ABCA12: variants seen among roughly 807,000 people sequenced by gnomAD.
ABCA12 encodes the protein ATP binding cassette subfamily A member 12.
A neutral mutation model predicts 293.5 loss-of-function variants in ABCA12; 156 were observed. The observed-to-expected ratio is 0.53, with a 90% CI of 0.47 to 0.61. ABCA12 has a LOEUF of 0.61. Ranked by LOEUF, ABCA12 falls within the 20% of genes least tolerant of loss-of-function variation. The pLI, the probability that ABCA12 is intolerant of heterozygous loss-of-function variation, is 0.00. For synonymous variants in ABCA12, 1,063 were observed against 1,108.0 expected (o/e 0.96, Z 0.81); for missense variants, 2,797 against 3,090.2 (o/e 0.91, Z 2.25).
intron 1 of ABCA12, among the ~76,000 whole-genome samples, chr2:215,135,822 T>A (rs1703213811): frequency 6.6e-6 from 1 of 152,212 alleles, no homozygotes; most frequent in Non-Finnish European, 1.5e-5. Context: ...TTTTTAAGTG[T>A]AATGCCATCG....
intron 9 of ABCA12, among the ~76,000 whole-genome samples, chr2:215,028,649 A>G (rs1700804683): frequency 6.6e-6 from 1 of 152,234 alleles, no homozygotes. Flanking sequence ...AAATAAAATA[A>G]ACTATCTATT....
At chr2:214,951,144 CAT>C in intron 44 of ABCA12, 61 bp from the exon 45 acceptor site, 1 of 1,487,084 alleles carries the variant, frequency 6.7e-7, no homozygotes, top group Non-Finnish European at 9.3e-7. Context: ...TCAATTTTGA[CAT>C]GTTTTGATGG....
At chr2:215,091,727 C>T (rs916841240) in intron 2 of ABCA12, among the ~76,000 whole-genome samples, 3 of 152,202 alleles carry the variant, frequency 2.0e-5, no homozygotes, top group South Asian at 4.1e-4. Context: ...CATGTAGCAA[C>T]GTATTTCTGA....
chr2:215,032,090 T>C (rs902701855), intron 8 of ABCA12, 194 bp from the exon 9 acceptor site: 22 of 1,446,442 alleles, frequency 1.5e-5, no homozygotes, highest in Admixed American at 5.0e-5. Context: ...AGGAAATAGA[T>C]GCCTACTGAT....
chr2:215,116,869 G>A (rs1702697471), intron 1 of ABCA12, among the ~76,000 whole-genome samples: 1 of 152,092 alleles, frequency 6.6e-6, no homozygotes, highest in Non-Finnish European at 1.5e-5. Context: ...AAAGCGTCAG[G>A]GTCATGAAAG....
rs758588601 is a variant in ABCA12 at position 215,054,677 on chromosome 2, A to G, written c.318-13T>C. 4 of 1,595,222 alleles carry G rather than the reference A, an allele frequency of 2.5e-6. No individual in the cohort carries two copies. The South Asian group carries it at 4.4e-5, about 18-fold the overall frequency. Reference sequence around the variant, plus strand: ...TCTCAGAATCTCACTAGAGAAGAAAAAGCAAGAACTCTGTAACTTCTCCCA... The same window carrying G: ...TCTCAGAATCTCACTAGAGAAGAAAGAGCAAGAACTCTGTAACTTCTCCCA... On this transcript the variant is annotated splice_polypyrimidine_tract_variant and intron_variant, in intron 3 of 52. Transcript: ENST00000272895.
intron 31 of ABCA12, among the ~76,000 whole-genome samples, chr2:214,980,234 T>C (rs1452700516): frequency 2.0e-5 from 3 of 152,136 alleles, no homozygotes; most frequent in African/African-American, 7.2e-5. Context: ...ACCTGGGAAT[T>C]TGATAAAAAT....
At chr2:214,936,863 A>AAC (rs1553518657) in intron 51 of ABCA12, among the ~76,000 whole-genome samples, 2 of 152,072 alleles carry the variant, frequency 1.3e-5, no homozygotes, top group Non-Finnish European at 2.9e-5. Flanking sequence ...TCAGTTCCCT[A>AAC]ATATATATAA....
chr2:215,011,711 A>G, intron 16 of ABCA12, 62 bp from the exon 17 acceptor site: 1 of 1,490,408 alleles, frequency 6.7e-7, no homozygotes, highest in Non-Finnish European at 9.4e-7. Flanking sequence ...ACTGAAAACA[A>G]CAGAGAAAGA....
intron 1 of ABCA12, among the ~76,000 whole-genome samples, chr2:215,119,557 A>G (rs1383553222): frequency 6.6e-6 from 1 of 152,006 alleles, no homozygotes; most frequent in East Asian, 1.9e-4. Flanking sequence ...CTTATTGAAT[A>G]GGGAGTCCTA....
intron 28 of ABCA12, among the ~76,000 whole-genome samples, 182 bp from the exon 29 acceptor site, chr2:214,984,047 C>T (rs1292006300): frequency 6.8e-6 from 1 of 147,134 alleles, no homozygotes; most frequent in Non-Finnish European, 1.5e-5. Context: ...TTTAATAATT[C>T]AGAGTATTAC....
intron 28 of ABCA12, among the ~76,000 whole-genome samples, chr2:214,985,555 A>T (rs1274193738): frequency 6.6e-6 from 1 of 152,178 alleles, no homozygotes; most frequent in East Asian, 1.9e-4. Context: ...AACTTAAAAT[A>T]AAAGTTAAAA....
intron 44 of ABCA12, among the ~76,000 whole-genome samples, chr2:214,952,686 C>CT (rs1698817341): frequency 1.3e-5 from 2 of 152,206 alleles, no homozygotes; most frequent in East Asian, 3.9e-4. Flanking sequence ...TCATGTTTCT[C>CT]TCTGTTCAAA....
Position 214,979,101 on chromosome 2 carries a change from C to T in ABCA12, c.4741-61G>A. On this transcript the variant is annotated intron_variant, in intron 31 of 52. Coordinates refer to ENST00000272895, the MANE Select transcript of ABCA12 (RefSeq NM_173076.3). ...CTCTTTACACTATAGTGCTCCAGGC[C>T]CTAATCAGAGGGTGAGGTGATGAGC... 3 of 1,469,210 alleles carry T rather than the reference C, an allele frequency of 2.0e-6. No individual in the cohort carries two copies. In the East Asian group the frequency reaches 6.8e-5, roughly 33 times the overall value. The allele number at this position is 1,469,210 out of a possible 1,614,324, so 91.0% of individuals were successfully genotyped here.
intron 1 of ABCA12, among the ~76,000 whole-genome samples, chr2:215,123,509 C>T (rs1702852472): frequency 1.3e-5 from 2 of 152,096 alleles, no homozygotes; most frequent in Non-Finnish European, 2.9e-5. Flanking sequence ...TTGGCGGACA[C>T]TTAGGTTGTT....
chr2:214,950,615 G>A (rs753136980), intron 45 of ABCA12, among the ~76,000 whole-genome samples: 13 of 149,856 alleles, frequency 8.7e-5, no homozygotes, highest in Non-Finnish European at 1.5e-4. Flanking sequence ...AACTATTCTC[G>A]TGCCTCAGCC....
chr2:215,081,603 C>T (rs972937350), intron 2 of ABCA12, among the ~76,000 whole-genome samples: 2 of 151,760 alleles, frequency 1.3e-5, no homozygotes, highest in Middle Eastern at 6.8e-3. Context: ...ATAAAGGTGA[C>T]CAAATTATTA....
rs746315995 is a variant in ABCA12, at chr2:215,026,840, C to T, written c.1160G>A (p.Ser387Asn). The change falls in exon 10 of 53, where the codon AGT (serine) becomes AAT (asparagine). Residue 387 changes from serine to asparagine, a missense_variant. Physicochemically the swap from Ser to Asn is conservative, Grantham distance 46. Around this residue, in one of 3 missense-constraint regions of ABCA12, gnomAD observed 656 missense variants for 638.2 expected, o/e 1.03. Transcript: ENST00000272895. ...YLACVRNVTD[S>N]LARGSPENLR... is the part of the protein sequence containing the mutation. ...ATTACCTGGTGAACCTCTGGCCAAACTGTCAGTCACATTTCTCACACATGC... is the reference window on the plus strand; with the variant it reads ...ATTACCTGGTGAACCTCTGGCCAAATTGTCAGTCACATTTCTCACACATGC... The T allele has an allele frequency of 6.2e-7, 1 of 1,610,958 alleles. No individual in the cohort carries two copies. The highest frequency in any genetic ancestry group is 2.2e-5 in the East Asian group (1 of 44,846).
At chr2:215,134,878 G>T (rs1396934820) in intron 1 of ABCA12, among the ~76,000 whole-genome samples, 1 of 151,814 alleles carries the variant, frequency 6.6e-6, no homozygotes, top group Admixed American at 6.6e-5. Context: ...GAACTCCTAG[G>T]CTCAAGTCTT....
Sources: allele counts gnomAD v4.1 joint callset (sites outside exome capture counted in the v4.1 genomes callset), GRCh38; gene constraint gnomAD v4.1.1; regional missense constraint gnomAD v4.1.1; transcripts MANE v1.5; gene names NCBI Gene and HGNC (gene_info 2026-07-23, HGNC 2026-07-21).